Variants in GRHL2 observed in about 807,000 individuals in gnomAD.
GRHL2 encodes the protein grainyhead like transcription factor 2, also known as grainyhead-like protein 2 homolog.
Under a neutral mutation model 83.8 loss-of-function variants are expected in GRHL2, and 21 were observed. The observed-to-expected ratio is 0.25, with a 90% CI of 0.18 to 0.36. GRHL2 has a LOEUF of 0.36. Ranked by LOEUF, GRHL2 falls within the 10% of genes least tolerant of loss-of-function variation. GRHL2 has a pLI of 1.00. For missense variants in GRHL2, 623 were observed against 781.8 expected, an observed-to-expected ratio of 0.80 and a Z score of 2.42; for synonymous variants, 280 against 278.9, an observed-to-expected ratio of 1.00 and a Z score of -0.04.
intron 8 of GRHL2, among the ~76,000 whole-genome samples, chr8:101,610,571 A>T (rs535236848): frequency 6.6e-6 from 1 of 150,846 alleles, no homozygotes; most frequent in Admixed American, 6.6e-5. Context: ...CGATAGTAAA[A>T]TTCTTTCGAT....
chr8:101,596,290 T>C (rs1245358499), intron 7 of GRHL2, among the ~76,000 whole-genome samples: 1 of 152,022 alleles, frequency 6.6e-6, no homozygotes, highest in Non-Finnish European at 1.5e-5. Flanking sequence ...GAAGGAAACA[T>C]TTGGAGGAAA....
chr8:101,502,773 TTCC>T (rs1259933747), intron 1 of GRHL2, among the ~76,000 whole-genome samples: 5 of 152,034 alleles, frequency 3.3e-5, no homozygotes, highest in Non-Finnish European at 7.4e-5. Flanking sequence ...CTTTCTCCTC[TTCC>T]TCCTCTTCCT....
rs71574030 is a variant in GRHL2, at chr8:101,612,481, TTAGATAGATAGA to T, written c.1099-7027_1099-7016del. Among the ~76,000 whole-genome samples the T allele has an allele frequency of 1.6e-4, 22 of 139,702 alleles. 1 individual carries two copies. Among genetic ancestry groups the T allele is most frequent in the South Asian group, 6.8e-4 (3 of 4,410 alleles). The allele number at this position is 139,702 out of a possible 152,430, so 91.6% of individuals were successfully genotyped here. On this transcript the variant is annotated intron_variant, in intron 8 of 15. Coordinates refer to ENST00000646743, the MANE Select transcript of GRHL2 (RefSeq NM_024915.4). The stretch of plus-strand genomic sequence containing the variant: ...TTCAGAGTGTGGATGGATGGATGGA[TTAGATAGATAGA>T]TAGATAGATAGATAGATAGATAGAT...
chr8:101,499,816 G>C (rs1441716275), intron 1 of GRHL2, among the ~76,000 whole-genome samples: 1 of 152,168 alleles, frequency 6.6e-6, no homozygotes, highest in Non-Finnish European at 1.5e-5. Context: ...GGTGGCTCAT[G>C]CCTGTAATCC....
intron 8 of GRHL2, among the ~76,000 whole-genome samples, chr8:101,601,081 G>A (rs1040146506): frequency 1.3e-4 from 20 of 151,990 alleles, no homozygotes; most frequent in African/African-American, 4.8e-4. Context: ...GATTGCTCAA[G>A]CCCAGGAGGC....
At chr8:101,501,980 A>T (rs1488740244) in intron 1 of GRHL2, among the ~76,000 whole-genome samples, 1 of 151,990 alleles carries the variant, frequency 6.6e-6, no homozygotes, top group Non-Finnish European at 1.5e-5. Flanking sequence ...TAAGATTCTG[A>T]TACCATTACT....
intron 9 of GRHL2, among the ~76,000 whole-genome samples, chr8:101,624,987 C>A (rs908155649): frequency 1.3e-5 from 2 of 152,006 alleles, no homozygotes; most frequent in African/African-American, 4.8e-5. Context: ...GCTTTAGAAA[C>A]AAAACCGAAC....
At chr8:101,673,306 C>A (rs188702606), downstream of GRHL2, among the ~76,000 whole-genome samples, 4,720 of 152,062 alleles carry the variant, frequency 0.031, 99 homozygotes, top group Middle Eastern at 0.14. Flanking sequence ...TCAGGAAACC[C>A]ATCTCACGTG....
chr8:101,543,602 C>T, intron 2 of GRHL2, 166 bp downstream of exon 2: 1 of 701,166 alleles, frequency 1.4e-6, no homozygotes, highest in Middle Eastern at 2.3e-4. Flanking sequence ...GCTTCCCCAT[C>T]TACAAAGCTC....
intron 3 of GRHL2, among the ~76,000 whole-genome samples, chr8:101,555,159 G>C (rs1235113613): frequency 1.3e-5 from 2 of 152,160 alleles, no homozygotes; most frequent in East Asian, 3.8e-4. Flanking sequence ...ACAGAAGTTG[G>C]TTAACTTTAA....
intron 7 of GRHL2, among the ~76,000 whole-genome samples, chr8:101,585,709 G>A (rs182331729): frequency 1.2e-4 from 19 of 152,356 alleles, no homozygotes; most frequent in African/African-American, 4.6e-4. Flanking sequence ...AAACAGTTAT[G>A]TGATAAAAGT....
At chr8:101,624,930 C>T (rs1001511197) in intron 9 of GRHL2, among the ~76,000 whole-genome samples, 6 of 151,938 alleles carry the variant, frequency 3.9e-5, no homozygotes, top group Middle Eastern at 3.2e-3. Flanking sequence ...CATAAAATAC[C>T]GAAATGACAA....
At chr8:101,624,472 A>G (rs1215493992) in intron 9 of GRHL2, among the ~76,000 whole-genome samples, 1 of 151,960 alleles carries the variant, frequency 6.6e-6, no homozygotes, top group Non-Finnish European at 1.5e-5. Flanking sequence ...AGGACAGTAC[A>G]CAGTAGAACA....
At position 101,598,581 on chromosome 8, in the gene GRHL2, ATTTTTTTTTTTT is replaced by A. The variant is rs61519476; in HGVS notation, c.1004-458_1004-447del. Among the ~76,000 whole-genome samples the A allele has an allele frequency of 4.4e-3, 520 of 117,644 alleles. 5 individuals are homozygous for A. The highest frequency in any genetic ancestry group is 9.0e-3 in the African/African-American group (314 of 35,052). The allele number at this position is 117,644 out of a possible 152,430, so 77.2% of individuals were successfully genotyped here. Reference sequence around the variant, plus strand: ...AAAAAGCTTTACTGTGGTCTCCTGAATTTTTTTTTTTTTTTTTTTTTTTTTTTTTACTAAAGT... The same window carrying A: ...AAAAAGCTTTACTGTGGTCTCCTGAATTTTTTTTTTTTTTTTTACTAAAGT... On this transcript the variant is annotated intron_variant, in intron 7 of 15. Transcript: ENST00000646743.
chr8:101,602,460 G>A (rs1009151594), intron 8 of GRHL2, among the ~76,000 whole-genome samples: 2 of 152,200 alleles, frequency 1.3e-5, no homozygotes, highest in Admixed American at 1.3e-4. Flanking sequence ...GGTTTGTGTG[G>A]CCAGAGGACA....
downstream of GRHL2, among the ~76,000 whole-genome samples, chr8:101,672,470 T>C (rs913640741): frequency 6.6e-6 from 1 of 151,250 alleles, no homozygotes; most frequent in African/African-American, 2.5e-5. Context: ...GAAGATGAAA[T>C]GAATGAAATG....
chr8:101,671,502 C>T (rs1814209245), downstream of GRHL2, among the ~76,000 whole-genome samples: 1 of 152,130 alleles, frequency 6.6e-6, no homozygotes, highest in Non-Finnish European at 1.5e-5. Context: ...CCTGCAATTG[C>T]CCAGGCTTGA....
chr8:101,521,460 C>A (rs564336352), intron 1 of GRHL2, among the ~76,000 whole-genome samples: 21 of 152,270 alleles, frequency 1.4e-4, no homozygotes, highest in African/African-American at 4.6e-4. Context: ...ACCACATGGT[C>A]CCCATGATAT....
Position 101,644,186 on chromosome 8 carries a change from G to A in GRHL2, c.1573G>A (p.Val525Met). The A allele has an allele frequency of 6.2e-7, 1 of 1,614,156 alleles. No homozygotes were observed. Among genetic ancestry groups the A allele is most frequent in the Non-Finnish European group, 8.5e-7 (1 of 1,179,988 alleles). ...GCCCATGGAAGAGGAGTTTGGTCCA[G>A]TGCCTTCAAAGCAGATGAAAGAAGA... ...FRPMEEEFGP[V>M]PSKQMKEEGT... The change falls in exon 13 of 16, where the codon GTG becomes ATG. Residue 525 changes from valine (V) to methionine (M), a missense_variant. Physicochemically the swap from Val to Met is conservative, Grantham distance 21. Coordinates refer to ENST00000646743, the MANE Select transcript of GRHL2 (RefSeq NM_024915.4).
Sources: allele counts gnomAD v4.1 joint callset (sites outside exome capture counted in the v4.1 genomes callset), GRCh38; gene constraint gnomAD v4.1.1; transcripts MANE v1.5; gene names NCBI Gene and HGNC (gene_info 2026-07-23, HGNC 2026-07-21).